The following GPR3 variants were observed in gnomAD, a reference collection of about 807,000 sequenced individuals.
GPR3 encodes the protein G protein-coupled receptor 3, also known as ACCA orphan receptor.
In GPR3, 16 loss-of-function variants were observed where a neutral mutation model predicts 18.2. That is an observed-to-expected ratio of 0.88 (90% CI 0.60 to 1.34). GPR3 has a LOEUF of 1.34. GPR3 is among the 40% of genes most tolerant of loss of function. The pLI, the probability that GPR3 is intolerant of heterozygous loss-of-function variation, is 0.00. For missense variants in GPR3, 326 were observed against 427.6 expected (o/e 0.76, Z 2.10); for synonymous variants, 183 against 188.9 (o/e 0.97, Z 0.26).
rs745741372 is a variant in GPR3 at position 27,393,773 on chromosome 1, C to A, written c.-5-21C>A. On this transcript the variant is annotated intron_variant, in intron 1 of 1. Transcript: ENST00000374024. ...CCATCACCCAGCTTGGTCAGCTTCT[C>A]ACAAGGCCTTTCTCCTGCAGGTACC... 2.0e-6 allele frequency: 3 copies of A among 1,518,800 alleles called. No individual in the cohort carries two copies. In the South Asian group the frequency reaches 4.0e-5, roughly 20 times the overall value. 94.1% of individuals were successfully genotyped at this position (1,518,800 alleles called of 1,614,324 possible). A position where few individuals can be genotyped will look rare whatever the true frequency, so the allele number is the denominator to read the frequency against.
chr1:27,394,954 G>A lies in GPR3; in HGVS notation c.*163G>A. The A allele has an allele frequency of 1.5e-6, 1 of 688,964 alleles. No individual in the cohort carries two copies. Among genetic ancestry groups the A allele is most frequent in the Non-Finnish European group, 2.5e-6 (1 of 404,406 alleles). The allele number at this position is 688,964 out of a possible 1,614,324, so 42.7% of individuals were successfully genotyped here. On this transcript the variant is annotated 3_prime_UTR_variant, in exon 2 of 2. Transcript: ENST00000374024. ...AAGGTTCTGTTCAGATCCCTATGGG[G>A]GCCCAGCTGGCTCCACGGTTCCAGA...
In GPR3 at chr1:27,394,396, A is replaced by G; in HGVS notation, c.598A>G (p.Ile200Val). 1 of 1,614,122 alleles carries G rather than the reference A, an allele frequency of 6.2e-7. No homozygotes were observed. Among genetic ancestry groups the G allele is most frequent in the Non-Finnish European group, 8.5e-7 (1 of 1,180,030 alleles). Reference sequence around the variant, plus strand: ...CAAGAACCATCTGGTAGTTCTGGCCATTGCCTTCTTCATGGTGTTTGGCAT... The same window carrying G: ...CAAGAACCATCTGGTAGTTCTGGCCGTTGCCTTCTTCATGGTGTTTGGCAT... ...LSKNHLVVLA[I>V]AFFMVFGIML... The change falls in exon 2 of 2, where the codon ATT (isoleucine) becomes GTT (valine). Residue 200 changes from isoleucine (I) to valine (V), a missense_variant. By Grantham distance (29) the Ile-to-Val change is conservative (BLOSUM62 3). Coordinates refer to ENST00000374024, the MANE Select transcript of GPR3 (RefSeq NM_005281.4).
Position 27,394,252 on chromosome 1 carries a change from C to T in GPR3, c.454C>T (p.Arg152Trp), listed in dbSNP as rs1301174705. ...LTYYSETTVTRTYVMLALVWG... is the reference protein window; with the variant it reads ...LTYYSETTVTWTYVMLALVWG... ...CTACTATTCAGAGACAACAGTGACACGGACCTATGTGATGCTGGCCTTAGT... is the reference window on the plus strand; with the variant it reads ...CTACTATTCAGAGACAACAGTGACATGGACCTATGTGATGCTGGCCTTAGT... Residue 152 changes from arginine (R) to tryptophan (W), a missense_variant, in exon 2 of 2, where the codon CGG becomes TGG. Transcript: ENST00000374024. 1.5e-5 allele frequency: 24 copies of T among 1,613,356 alleles called. No homozygotes were observed. Among genetic ancestry groups the T allele is most frequent in the South Asian group, 2.2e-5 (2 of 91,092 alleles).
At chr1:27,392,832 G>C (rs2016502233) in intron 1 of GPR3, 95 bp downstream of exon 1, 1 of 152,362 alleles carries the variant, frequency 6.6e-6, no homozygotes, top group Admixed American at 6.5e-5. Flanking sequence ...GTGGCCGGCC[G>C]GGGTTCGAGT....
chr1:27,394,320 C>A lies in GPR3; in HGVS notation c.522C>A (p.Ala174=), dbSNP rs764003300. The change falls in exon 2 of 2, where the codon GCC becomes GCA. Residue 174 remains alanine (A), a synonymous_variant. Coordinates refer to ENST00000374024, the MANE Select transcript of GPR3 (RefSeq NM_005281.4). ...GCCTGGGGCTGCTGCCTGTGCTGGCCTGGAACTGCCTGGATGGCCTGACCA... is the reference window on the plus strand; with the variant it reads ...GCCTGGGGCTGCTGCCTGTGCTGGCATGGAACTGCCTGGATGGCCTGACCA... ...ALGLGLLPVL[A]WNCLDGLTTC... The A allele has an allele frequency of 6.2e-7, 1 of 1,613,534 alleles. No individual in the cohort carries two copies. The highest frequency in any genetic ancestry group is 1.3e-5 in the African/African-American group (1 of 74,938).
At position 27,392,744 on chromosome 1, in the gene GPR3, AGCGGGCC is replaced by A. The variant is rs2148084775; in HGVS notation, c.-6+8_-6+14del. Reference sequence around the variant, plus strand: ...CCGCGCCTGGTCCTGAGCGGTGAGTAGCGGGCCCCGCCGCGGGCACCAGGGGTCCTGA... The same window carrying A: ...CCGCGCCTGGTCCTGAGCGGTGAGTACCGCCGCGGGCACCAGGGGTCCTGA... On this transcript the variant is annotated splice_region_variant and intron_variant, in intron 1 of 1. Transcript: ENST00000374024. The A allele has an allele frequency of 6.6e-6, 1 of 152,156 alleles. No individual in the cohort carries two copies. The highest frequency in any genetic ancestry group is 2.1e-4 in the South Asian group (1 of 4,826). 9.4% of individuals were successfully genotyped at this position (152,156 alleles called of 1,614,324 possible).
Position 27,392,669 on chromosome 1 carries a change from A to T in GPR3, c.-74A>T, listed in dbSNP as rs1571106136. On this transcript the variant is annotated 5_prime_UTR_variant, in exon 1 of 2. Coordinates refer to ENST00000374024, the MANE Select transcript of GPR3 (RefSeq NM_005281.4). Reference sequence around the variant, plus strand: ...CGGCCGCGGGGGCTTCTCGGGGTCCACGCACGCCCTGCGCCGCCAGGACCC... The same window carrying T: ...CGGCCGCGGGGGCTTCTCGGGGTCCTCGCACGCCCTGCGCCGCCAGGACCC... 1 of 151,912 alleles carries T rather than the reference A, an allele frequency of 6.6e-6. No homozygotes were observed. The highest frequency in any genetic ancestry group is 6.5e-5 in the Admixed American group (1 of 15,280). The allele number at this position is 151,912 out of a possible 1,614,324, so 9.4% of individuals were successfully genotyped here.
chr1:27,393,759 CT>C, intron 1 of GPR3, 34 bp from the exon 2 acceptor site: 1 of 1,514,024 alleles, frequency 6.6e-7, no homozygotes, highest in Non-Finnish European at 8.8e-7. Flanking sequence ...CATCACCCAG[CT>C]TGGTCAGCTT....
At chr1:27,393,400 C>T (rs1185243188) in intron 1 of GPR3, among the ~76,000 whole-genome samples, 1 of 152,082 alleles carries the variant, frequency 6.6e-6, no homozygotes, top group Non-Finnish European at 1.5e-5. Context: ...TGGGAGGGAG[C>T]GGAGCTGCTC....
At chr1:27,393,194 A>T (rs1051404682) in intron 1 of GPR3, among the ~76,000 whole-genome samples, 3 of 121,168 alleles carry the variant, frequency 2.5e-5, no homozygotes, top group African/African-American at 9.5e-5. Context: ...GGCGGAAAGA[A>T]GGGTCCAGCC....
In GPR3 at chr1:27,394,308, G is replaced by C; in HGVS notation, c.510G>C (p.Leu170=). 2 of 1,613,390 alleles carry C rather than the reference G, an allele frequency of 1.2e-6. No homozygotes were observed. The highest frequency in any genetic ancestry group is 1.6e-4 in the Middle Eastern group (1 of 6,062). The change falls in exon 2 of 2, where the codon CTG becomes CTC. Residue 170 remains leucine, a synonymous_variant. Coordinates refer to ENST00000374024, the MANE Select transcript of GPR3 (RefSeq NM_005281.4). ...GAGGTGCCCTGGGCCTGGGGCTGCT[G>C]CCTGTGCTGGCCTGGAACTGCCTGG... The part of the protein sequence containing the change: ...VWGGALGLGL[L]PVLAWNCLDG...
At chr1:27,392,929 C>G (rs1007874557) in intron 1 of GPR3, among the ~76,000 whole-genome samples, 192 bp downstream of exon 1, 15 of 152,156 alleles carry the variant, frequency 9.9e-5, no homozygotes, top group Non-Finnish European at 2.1e-4. Context: ...TTGGATGACC[C>G]GGCGAAGGGT....
Position 27,394,056 on chromosome 1 carries a change from C to T in GPR3, c.258C>T (p.Asp86=). The T allele has an allele frequency of 6.2e-7, 1 of 1,611,098 alleles. No homozygotes were observed. Among genetic ancestry groups the T allele is most frequent in the Non-Finnish European group, 8.5e-7 (1 of 1,180,014 alleles). Residue 86 remains aspartate, a synonymous_variant, in exon 2 of 2, where the codon GAC becomes GAT. Coordinates refer to ENST00000374024, the MANE Select transcript of GPR3 (RefSeq NM_005281.4). ...FLLVGSLAVA[D]LLAGLGLVLH... ...TGGTGGGCAGCCTGGCCGTGGCAGA[C>T]CTGCTGGCAGGCCTGGGCCTGGTCC...
At position 27,395,627 on chromosome 1, in the gene GPR3, C is replaced by CA; in HGVS notation, c.*837dup. On this transcript the variant is annotated 3_prime_UTR_variant, in exon 2 of 2. Coordinates refer to ENST00000374024, the MANE Select transcript of GPR3 (RefSeq NM_005281.4). ...GGCAGCTGGGACCAGAATGCAACCC[C>CA]AGCTCCACTCCAGCCTGGCGTCCAG... 6.0e-6 allele frequency: 1 copy of CA among 167,228 alleles called. No individual in the cohort carries two copies. The allele number at this position is 167,228 out of a possible 1,614,324, so 10.4% of individuals were successfully genotyped here. A position where few individuals can be genotyped will look rare whatever the true frequency, so the allele number is the denominator to read the frequency against.
chr1:27,394,141 G>A lies in GPR3; in HGVS notation c.343G>A (p.Val115Met), dbSNP rs747343532. The part of the protein sequence containing the change: ...SAEMSLVLVG[V>M]LAMAFTASIG... Reference sequence around the variant, plus strand: ...GGAGATGAGCCTGGTGCTGGTTGGCGTGCTGGCAATGGCCTTTACCGCCAG... The same window carrying A: ...GGAGATGAGCCTGGTGCTGGTTGGCATGCTGGCAATGGCCTTTACCGCCAG... Residue 115 changes from valine (V) to methionine (M), a missense_variant, in exon 2 of 2, where the codon GTG (valine) becomes ATG (methionine). Val to Met is a conservative substitution (Grantham distance 21). Transcript: ENST00000374024. 1.2e-5 allele frequency: 19 copies of A among 1,613,262 alleles called. 1 individual carries two copies. The South Asian group carries it at 1.2e-4, about 10-fold the overall frequency.
chr1:27,394,921 G>C lies in GPR3; in HGVS notation c.*130G>C, dbSNP rs1390847569. The C allele has an allele frequency of 1.0e-6, 1 of 964,410 alleles. No individual in the cohort carries two copies. The highest frequency in any genetic ancestry group is 1.6e-5 in the African/African-American group (1 of 60,734). The allele number at this position is 964,410 out of a possible 1,614,324, so 59.7% of individuals were successfully genotyped here. On this transcript the variant is annotated 3_prime_UTR_variant, in exon 2 of 2. Transcript: ENST00000374024. The stretch of plus-strand genomic sequence containing the variant: ...CTGGTTCTGGAGTTCTAGGACATTG[G>C]GTGTTTCAAGGTTCTGTTCAGATCC...
At position 27,394,504 on chromosome 1, in the gene GPR3, G is replaced by T; in HGVS notation, c.706G>T (p.Ala236Ser). The change falls in exon 2 of 2, where the codon GCC (alanine) becomes TCC (serine). Residue 236 changes from alanine (A) to serine (S), a missense_variant. Transcript: ENST00000374024. ...QIALQRHLLP[A>S]SHYVATRKGI... ...TGCCCTTCAGCGGCACCTGCTGCCTGCCTCCCACTATGTGGCCACCCGCAA... is the reference window on the plus strand; with the variant it reads ...TGCCCTTCAGCGGCACCTGCTGCCTTCCTCCCACTATGTGGCCACCCGCAA... 6.2e-7 allele frequency: 1 copy of T among 1,614,128 alleles called. No homozygotes were observed. Among genetic ancestry groups the T allele is most frequent in the Non-Finnish European group, 8.5e-7 (1 of 1,180,040 alleles).
rs1021147333 is a variant in GPR3, at chr1:27,392,657, T to G, written c.-86T>G. ...CCGCTTCTCCCGCGGCCGCGGGGGC[T>G]TCTCGGGGTCCACGCACGCCCTGCG... On this transcript the variant is annotated 5_prime_UTR_variant, in exon 1 of 2. Transcript: ENST00000374024. The G allele has an allele frequency of 6.6e-6, 1 of 151,920 alleles. No homozygotes were observed. 9.4% of individuals were successfully genotyped at this position (151,920 alleles called of 1,614,324 possible).
rs1381090221 is a variant in GPR3 at position 27,394,016 on chromosome 1, C to T, written c.218C>T (p.Ala73Val). 3.1e-6 allele frequency: 5 copies of T among 1,611,574 alleles called. No homozygotes were observed. The highest frequency in any genetic ancestry group is 1.1e-5 in the South Asian group (1 of 91,078). The change falls in exon 2 of 2, where the codon GCC (alanine) becomes GTC (valine). Residue 73 changes from alanine (A) to valine (V), a missense_variant. Coordinates refer to ENST00000374024, the MANE Select transcript of GPR3 (RefSeq NM_005281.4). ...AIIVGTPAFR[A>V]PMFLLVGSLA... The stretch of plus-strand genomic sequence containing the variant: ...ATCGTGGGCACTCCTGCCTTCCGTG[C>T]CCCCATGTTCCTGCTGGTGGGCAGC...
Sources: gnomAD v4.1 joint callset for allele counts (sites outside exome capture counted in the v4.1 genomes callset) on GRCh38, gnomAD v4.1.1 for gene constraint, MANE v1.5 for transcripts, NCBI Gene and HGNC (gene_info 2026-07-23, HGNC 2026-07-21) for gene names.